Variants in VAC14 observed in about 807,000 individuals in gnomAD.
The protein encoded by VAC14 is protein VAC14 homolog.
VAC14 carries 47 observed loss-of-function variants against 85.3 expected under a neutral mutation model. The observed-to-expected ratio is 0.55, with a 90% CI of 0.44 to 0.70. The LOEUF (loss-of-function observed/expected upper bound fraction) is 0.70. VAC14 is among the 30% of genes least tolerant of loss of function. VAC14 has a pLI of 0.00. For missense variants in VAC14, 861 were observed against 1,004.3 expected (o/e 0.86, Z 1.93); for synonymous variants, 447 against 430.5 (o/e 1.04, Z -0.47).
At chr16:70,721,870 G>A (rs1481818917) in intron 14 of VAC14, among the ~76,000 whole-genome samples, 1 of 152,062 alleles carries the variant, frequency 6.6e-6, no homozygotes, top group African/African-American at 2.4e-5. Context: ...CATGGCAGGC[G>A]TGTCCCCCCA....
chr16:70,732,927 G>C (rs2054635224), intron 13 of VAC14, among the ~76,000 whole-genome samples: 1 of 152,142 alleles, frequency 6.6e-6, no homozygotes, highest in South Asian at 2.1e-4. Context: ...GGGATTACAG[G>C]TGTGAGCCAC....
intron 14 of VAC14, among the ~76,000 whole-genome samples, chr16:70,701,071 G>T (rs2053816825): frequency 6.6e-6 from 1 of 152,174 alleles, no homozygotes; most frequent in African/African-American, 2.4e-5. Context: ...GTTACAGAAG[G>T]TCAGGAATAG....
In VAC14 at chr16:70,698,700, G is replaced by A; in HGVS notation, c.1773C>T (p.Thr591=). ...FASTMVHALN[T]ILLTSTELFQ... is the part of the protein sequence containing the mutation. ...AGAGCTCTGTGGAGGTCAGCAGGAT[G>A]GTGTTGAGGGCGTGGACCATGGTCG... is the stretch of plus-strand genomic sequence containing the variant. The change falls in exon 15 of 19, where the codon ACC becomes ACT. Residue 591 remains threonine (T), a synonymous_variant. Coordinates refer to ENST00000261776, the MANE Select transcript of VAC14 (RefSeq NM_018052.5). 6.2e-7 allele frequency: 1 copy of A among 1,614,196 alleles called. No individual in the cohort carries two copies. The highest frequency in any genetic ancestry group is 8.5e-7 in the Non-Finnish European group (1 of 1,180,024).
chr16:70,701,094 G>T (rs774654291), intron 14 of VAC14, among the ~76,000 whole-genome samples: 1 of 152,156 alleles, frequency 6.6e-6, no homozygotes, highest in Non-Finnish European at 1.5e-5. Context: ...GAGTTTTCTG[G>T]AAACTCTTCT....
intron 12 of VAC14, among the ~76,000 whole-genome samples, chr16:70,750,681 G>A (rs570272327): frequency 7.0e-4 from 106 of 152,214 alleles, no homozygotes; most frequent in African/African-American, 2.4e-3. Context: ...GTCTGGGTGG[G>A]GCCACCACAG....
chr16:70,770,586 G>C (rs1475930046), intron 10 of VAC14: 1 of 152,202 alleles, frequency 6.6e-6, no homozygotes, highest in Non-Finnish European at 1.5e-5. Context: ...TCATTGCCTG[G>C]GCTCAGGCAC....
intron 14 of VAC14, among the ~76,000 whole-genome samples, chr16:70,719,502 A>G (rs1011369341): frequency 6.6e-6 from 1 of 152,210 alleles, no homozygotes; most frequent in Non-Finnish European, 1.5e-5. Context: ...TCAGATTCAG[A>G]ATATACAAAG....
chr16:70,696,568 G>A (rs1451814191), intron 16 of VAC14, among the ~76,000 whole-genome samples: 2 of 152,224 alleles, frequency 1.3e-5, no homozygotes, highest in Non-Finnish European at 2.9e-5. Context: ...GCTGAGGTGA[G>A]AATGGGTGCC....
chr16:70,734,472 T>G (rs2143004773), intron 13 of VAC14, among the ~76,000 whole-genome samples: 1 of 152,362 alleles, frequency 6.6e-6, no homozygotes, highest in African/African-American at 2.4e-5. Flanking sequence ...ACAAAATTTT[T>G]AACTCTGATT....
chr16:70,797,070 TA>T (rs2034576917), intron 1 of VAC14, among the ~76,000 whole-genome samples: 1 of 152,062 alleles, frequency 6.6e-6, no homozygotes, highest in South Asian at 2.1e-4. Context: ...CTCTATAAAA[TA>T]AATTAAAAAA....
intron 13 of VAC14, among the ~76,000 whole-genome samples, chr16:70,743,727 CCT>C (rs1204768859): frequency 2.6e-5 from 4 of 152,190 alleles, no homozygotes; most frequent in African/African-American, 9.6e-5. Context: ...AACTAGGAGC[CCT>C]GTGTGGATGT....
chr16:70,753,955 G>T (rs1006578924), intron 12 of VAC14, among the ~76,000 whole-genome samples: 3 of 152,146 alleles, frequency 2.0e-5, no homozygotes, highest in African/African-American at 7.2e-5. Flanking sequence ...CTGCCGCTGG[G>T]AGAGCCGCCT....
At chr16:70,747,625 GGA>G (rs1312425049) in intron 12 of VAC14, 3 of 152,154 alleles carry the variant, frequency 2.0e-5, no homozygotes, top group African/African-American at 4.8e-5. Flanking sequence ...CTGATCCAGG[GGA>G]GAGGAGGAGC....
intron 14 of VAC14, among the ~76,000 whole-genome samples, chr16:70,707,883 T>C (rs555301905): frequency 6.6e-6 from 1 of 151,880 alleles, no homozygotes; most frequent in Non-Finnish European, 1.5e-5. Context: ...CTCTGCCTCC[T>C]GGGTTCAAGT....
In VAC14 at chr16:70,764,729, T is replaced by C. The variant is rs368506142; in HGVS notation, c.1161-1704A>G. On this transcript the variant is annotated intron_variant, in intron 10 of 18. Coordinates refer to ENST00000261776, the MANE Select transcript of VAC14 (RefSeq NM_018052.5). ...TCTATTCTCTTTTGTGTCCTAAGCC[T>C]TTGGGACCTGGTGTGCATTTCACCG... Among the ~76,000 whole-genome samples the C allele has an allele frequency of 3.9e-5, 6 of 152,200 alleles. No homozygotes were observed. The South Asian group carries it at 1.2e-3, about 31-fold the overall frequency.
chr16:70,726,882 C>T (rs2054444584), intron 14 of VAC14, among the ~76,000 whole-genome samples: 12 of 152,232 alleles, frequency 7.9e-5, no homozygotes, highest in Admixed American at 7.8e-4. Flanking sequence ...TGTGTGGACA[C>T]CGACAGGAAG....
intron 9 of VAC14, among the ~76,000 whole-genome samples, chr16:70,776,909 G>T (rs1042064681): frequency 6.6e-6 from 1 of 151,558 alleles, no homozygotes; most frequent in African/African-American, 2.4e-5. Context: ...CCAGGTTCAA[G>T]CAATTCTCCT....
chr16:70,752,999 G>A (rs1022986762), intron 12 of VAC14, among the ~76,000 whole-genome samples: 2 of 148,262 alleles, frequency 1.3e-5, no homozygotes, highest in African/African-American at 5.2e-5. Context: ...GCCTTGATGT[G>A]CAGGAGGAGG....
chr16:70,796,577 C>A (rs1446927678), intron 1 of VAC14, among the ~76,000 whole-genome samples: 1 of 152,194 alleles, frequency 6.6e-6, no homozygotes, highest in African/African-American at 2.4e-5. Flanking sequence ...GGGAAGATTA[C>A]TTAACCTCAA....
Sources: allele counts gnomAD v4.1 joint callset (sites outside exome capture counted in the v4.1 genomes callset), GRCh38; gene constraint gnomAD v4.1.1; transcripts MANE v1.5; gene names NCBI Gene and HGNC (gene_info 2026-07-23, HGNC 2026-07-21).